Variants in NRG1 observed in about 807,000 individuals in gnomAD.
The protein encoded by NRG1 is pro-neuregulin-1, membrane-bound isoform.
Under a neutral mutation model 63.8 loss-of-function variants are expected in NRG1, and 18 were observed. The observed-to-expected ratio is 0.28, with a 90% confidence interval of 0.19 to 0.42. The LOEUF is 0.42. NRG1 is among the 10% of genes least tolerant of loss of function. The probability of loss-of-function intolerance (pLI) is 1.00; values close to 1 mark genes in which losing one functional copy is unlikely to be tolerated. For missense variants in NRG1, 762 were observed against 814.7 expected, an observed-to-expected ratio of 0.94 and a Z score of 0.79; for synonymous variants, 302 against 301.3, an observed-to-expected ratio of 1.00 and a Z score of -0.02.
rs10109300 is a variant in NRG1 at position 32,308,807 on chromosome 8, G to A, written c.38-287021G>A. On this transcript the variant is annotated intron_variant, in intron 1 of 10. Transcript: ENST00000519301. ...AATTGGTGCTACAATGTCACTTTGC[G>A]GGAGAATGATGTCTGTAAAGTGGGA... is the stretch of plus-strand genomic sequence containing the variant. 3.4e-4 allele frequency among the ~76,000 whole-genome samples: 52 copies of A among 152,274 alleles called. 1 individual carries two copies. Among genetic ancestry groups the A allele is most frequent in the Admixed American group, 7.2e-4 (11 of 15,286 alleles).
chr8:32,365,804 C>A (rs955182885), intron 1 of NRG1, among the ~76,000 whole-genome samples: 3 of 152,120 alleles, frequency 2.0e-5, no homozygotes, highest in Non-Finnish European at 4.4e-5. Context: ...AGTTTGCTCA[C>A]CCTTGGTGCA....
At chr8:31,991,278 C>T (rs537362645) in intron 1 of NRG1, among the ~76,000 whole-genome samples, 54 of 151,938 alleles carry the variant, frequency 3.6e-4, no homozygotes, top group African/African-American at 1.2e-3. Context: ...ATCCTGACGA[C>T]GACAACAACT....
rs1234590464 is a variant in NRG1 at position 32,317,871 on chromosome 8, CT to C, written c.38-277956del. On this transcript the variant is annotated intron_variant, in intron 1 of 10. Transcript: ENST00000519301. ...AGCAGTTGCAAAGCTTTCTTTCCCC[CT>C]GAAGCAGTAGAGGGTGCTATGTGGA... Among the ~76,000 whole-genome samples, 5 of 152,210 alleles carry C rather than the reference CT, an allele frequency of 3.3e-5. No homozygotes were observed. The South Asian group carries it at 6.2e-4, about 19-fold the overall frequency.
At chr8:32,300,612 T>C (rs1488985822) in intron 1 of NRG1, among the ~76,000 whole-genome samples, 1 of 152,232 alleles carries the variant, frequency 6.6e-6, no homozygotes, top group Non-Finnish European at 1.5e-5. Flanking sequence ...TGCAGTTGAT[T>C]ATTAAAGAAT....
chr8:32,654,650 T>C (rs1589009378), intron 5 of NRG1, among the ~76,000 whole-genome samples: 2 of 72,932 alleles, frequency 2.7e-5, no homozygotes, highest in South Asian at 7.4e-4. Flanking sequence ...AATTTTACCT[T>C]TATAATATTG....
At chr8:32,679,396 A>C (rs1460150839) in intron 5 of NRG1, among the ~76,000 whole-genome samples, 1 of 152,168 alleles carries the variant, frequency 6.6e-6, no homozygotes, top group Non-Finnish European at 1.5e-5. Flanking sequence ...TGCAAATTGA[A>C]AATCATGATA....
intron 1 of NRG1, among the ~76,000 whole-genome samples, chr8:31,959,016 C>A (rs978469336): frequency 6.6e-6 from 1 of 152,164 alleles, no homozygotes; most frequent in Non-Finnish European, 1.5e-5. Flanking sequence ...CTCTGAATGT[C>A]ATTTTGTTTA....
chr8:32,639,692 A>G (rs958382263), intron 5 of NRG1, among the ~76,000 whole-genome samples: 2 of 152,240 alleles, frequency 1.3e-5, no homozygotes, highest in African/African-American at 4.8e-5. Flanking sequence ...AGCATTTGCT[A>G]TAAGTGATAT....
intron 1 of NRG1, among the ~76,000 whole-genome samples, chr8:32,465,964 T>C (rs1823010739): frequency 6.6e-6 from 1 of 152,166 alleles, no homozygotes; most frequent in African/African-American, 2.4e-5. Context: ...ATCACAACAA[T>C]GCTACAGTGA....
At chr8:32,696,245 CATGTTGGAT>C (rs1813267249) in intron 5 of NRG1, among the ~76,000 whole-genome samples, 1 of 152,190 alleles carries the variant, frequency 6.6e-6, no homozygotes, top group Non-Finnish European at 1.5e-5. Flanking sequence ...AAAGTTGGAT[CATGTTGGAT>C]AATGTTATGA....
intron 1 of NRG1, among the ~76,000 whole-genome samples, chr8:32,345,666 C>T (rs965424042): frequency 6.6e-6 from 1 of 152,132 alleles, no homozygotes; most frequent in African/African-American, 2.4e-5. Context: ...AATACATTCA[C>T]ATGGTAAACT....
intron 1 of NRG1, among the ~76,000 whole-genome samples, chr8:32,173,227 A>G (rs529271921): frequency 5.9e-5 from 9 of 152,252 alleles, no homozygotes; most frequent in Admixed American, 2.6e-4. Flanking sequence ...AGAATTTCAT[A>G]TCCAGCCAAA....
chr8:31,877,316 T>C (rs1830005995), intron 1 of NRG1, among the ~76,000 whole-genome samples: 1 of 152,148 alleles, frequency 6.6e-6, no homozygotes, highest in Admixed American at 6.5e-5. Context: ...TTTTATGCCG[T>C]ATTTATGAGC....
chr8:32,769,248 T>G (rs1015520894), downstream of NRG1, among the ~76,000 whole-genome samples: 7 of 152,216 alleles, frequency 4.6e-5, no homozygotes, highest in African/African-American at 1.7e-4. Flanking sequence ...TGGTTAAAAT[T>G]GTTTGCCTGG....
intron 1 of NRG1, among the ~76,000 whole-genome samples, chr8:31,691,851 T>G (rs1809563838): frequency 6.6e-6 from 1 of 152,160 alleles, no homozygotes; most frequent in African/African-American, 2.4e-5. Context: ...GTTTTTGTTT[T>G]TGTTTCAGAG....
Position 31,769,290 on chromosome 8 carries a change from C to T in NRG1, c.37+129859C>T, listed in dbSNP as rs148851733. On this transcript the variant is annotated intron_variant, in intron 1 of 10. Coordinates refer to the NRG1 transcript ENST00000519301. The stretch of plus-strand genomic sequence containing the variant: ...TGTCACAGCTCATCTTGCAAGGTTG[C>T]CTATCTCATTGTCAGAGAGCTCTAG... Among the ~76,000 whole-genome samples, 40 of 152,268 alleles carry T rather than the reference C, an allele frequency of 2.6e-4. No homozygotes were observed. In the East Asian group the frequency reaches 6.9e-3, roughly 26 times the overall value.
At chr8:31,949,270 C>A (rs183445830) in intron 1 of NRG1, among the ~76,000 whole-genome samples, 9 of 152,224 alleles carry the variant, frequency 5.9e-5, no homozygotes, top group East Asian at 3.9e-4. Flanking sequence ...AATTAACTTT[C>A]CATGTTAACA....
intron 1 of NRG1, among the ~76,000 whole-genome samples, chr8:31,752,524 T>A (rs943262026): frequency 2.6e-5 from 4 of 152,032 alleles, no homozygotes; most frequent in African/African-American, 9.7e-5. Context: ...ACATCCAGTA[T>A]ATGCCAGATA....
At chr8:32,760,249 A>G (rs775856828) in exon 11 of NRG1, 3 of 1,614,074 alleles carry the variant, frequency 1.9e-6, no homozygotes, top group Non-Finnish European at 2.5e-6. Flanking sequence ...CCACTCTGTA[A>G]TCGTGATGTC....
Sources: allele counts gnomAD v4.1 joint callset (sites outside exome capture counted in the v4.1 genomes callset), GRCh38; gene constraint gnomAD v4.1.1; transcripts MANE v1.5; gene names NCBI Gene and HGNC (gene_info 2026-07-23, HGNC 2026-07-21).